The following CNTN5 variants were observed in gnomAD, a reference collection of about 807,000 sequenced individuals.
The protein encoded by CNTN5 is contactin 5.
In CNTN5, 77 loss-of-function variants were observed where a neutral mutation model predicts 129.1. The observed-to-expected ratio is 0.60, with a 90% CI of 0.50 to 0.72. CNTN5 has a LOEUF of 0.72. Among genes scored for constraint, CNTN5 ranks in the 30% least tolerant of loss-of-function variants. CNTN5 has a pLI of 0.00. For synonymous variants in CNTN5, 509 were observed against 465.6 expected, an observed-to-expected ratio of 1.09 and a Z score of -1.20; for missense variants, 1,478 against 1,328.8, an observed-to-expected ratio of 1.11 and a Z score of -1.75.
At chr11:100,343,423 G>A (rs980089715) in intron 23 of CNTN5, among the ~76,000 whole-genome samples, 2 of 137,992 alleles carry the variant, frequency 1.4e-5, no homozygotes, top group Non-Finnish European at 3.3e-5. Flanking sequence ...TCTGATGAGT[G>A]GGATGATCCC....
intron 23 of CNTN5, 32 bp downstream of exon 23, chr11:100,341,237 C>T (rs200140098): frequency 1.3e-5 from 19 of 1,435,698 alleles, no homozygotes; most frequent in Non-Finnish European, 1.9e-5. Context: ...TGCATAGATA[C>T]TCATCTCCGA....
intron 3 of CNTN5, among the ~76,000 whole-genome samples, chr11:99,764,530 C>T (rs1312114691): frequency 2.0e-5 from 3 of 152,062 alleles, no homozygotes; most frequent in Non-Finnish European, 4.4e-5. Context: ...ATTCTCCTGC[C>T]TCCGCCTTCC....
chr11:99,894,567 A>C (rs550446330), intron 6 of CNTN5, among the ~76,000 whole-genome samples: 2 of 151,642 alleles, frequency 1.3e-5, no homozygotes, highest in South Asian at 2.1e-4. Flanking sequence ...CAAAAAAAAC[A>C]AAACCAAGCA....
At chr11:99,301,117 C>A (rs1864613922) in intron 1 of CNTN5, among the ~76,000 whole-genome samples, 1 of 151,318 alleles carries the variant, frequency 6.6e-6, no homozygotes, top group Non-Finnish European at 1.5e-5. Context: ...TCAAAAAATA[C>A]AGTAAAATAT....
chr11:99,182,357 C>T (rs1858120353), intron 1 of CNTN5, among the ~76,000 whole-genome samples: 1 of 152,150 alleles, frequency 6.6e-6, no homozygotes. Flanking sequence ...TTGTACCTCA[C>T]AGTCATGCTC....
At chr11:100,060,098 T>TGCATTTGGG (rs1317320680) in intron 9 of CNTN5, among the ~76,000 whole-genome samples, 2 of 151,586 alleles carry the variant, frequency 1.3e-5, no homozygotes, top group East Asian at 3.9e-4. Context: ...TAATCCCAGC[T>TGCATTTGGG]ACTTGGGAAA....
At chr11:99,744,101 G>A (rs1943969787) in intron 3 of CNTN5, among the ~76,000 whole-genome samples, 2 of 152,084 alleles carry the variant, frequency 1.3e-5, no homozygotes, top group South Asian at 4.1e-4. Flanking sequence ...TACTTCCAAA[G>A]AAGGACCTCT....
chr11:99,466,354 A>G (rs1307742935), intron 2 of CNTN5, among the ~76,000 whole-genome samples: 1 of 152,124 alleles, frequency 6.6e-6, no homozygotes, highest in Non-Finnish European at 1.5e-5. Context: ...TCCAAACCAT[A>G]TCATGTACCA....
At chr11:99,045,398 G>A (rs1864165211) in intron 1 of CNTN5, among the ~76,000 whole-genome samples, 1 of 152,144 alleles carries the variant, frequency 6.6e-6, no homozygotes, top group South Asian at 2.1e-4. Context: ...TTAAAATTAT[G>A]CACTCTTTTC....
intron 3 of CNTN5, among the ~76,000 whole-genome samples, chr11:99,602,226 G>A (rs1950334574): frequency 6.6e-6 from 1 of 151,622 alleles, no homozygotes; most frequent in Non-Finnish European, 1.5e-5. Flanking sequence ...ATATTTGTGG[G>A]GGATATAATT....
chr11:99,722,017 T>G (rs1188301644), intron 3 of CNTN5, among the ~76,000 whole-genome samples: 1 of 152,172 alleles, frequency 6.6e-6, no homozygotes, highest in Non-Finnish European at 1.5e-5. Context: ...AAGGGGACAC[T>G]TGTACACTGT....
chr11:99,021,461 G>C (rs931164036), intron 1 of CNTN5, among the ~76,000 whole-genome samples, 191 bp downstream of exon 1: 2 of 152,036 alleles, frequency 1.3e-5, no homozygotes, highest in Admixed American at 1.3e-4. Flanking sequence ...TTTCCTGCTG[G>C]GATTTTATGG....
At chr11:100,033,735 T>A (rs1235823724) in intron 9 of CNTN5, among the ~76,000 whole-genome samples, 2 of 152,338 alleles carry the variant, frequency 1.3e-5, no homozygotes, top group East Asian at 3.9e-4. Flanking sequence ...ACTATAATTG[T>A]ATTTTCCCTA....
chr11:99,968,320 A>C (rs1407894881), intron 8 of CNTN5, among the ~76,000 whole-genome samples: 1 of 152,212 alleles, frequency 6.6e-6, no homozygotes, highest in African/African-American at 2.4e-5. Context: ...GAAAGGCTAC[A>C]CATGTAGATA....
At chr11:99,289,798 G>C (rs1231262230) in intron 1 of CNTN5, among the ~76,000 whole-genome samples, 1 of 151,682 alleles carries the variant, frequency 6.6e-6, no homozygotes, top group African/African-American at 2.4e-5. Context: ...CATGGAACTA[G>C]ACTTTGAAAT....
rs116049153 is a variant in CNTN5, at chr11:99,040,186, A to G, written c.-210+18916A>G. On this transcript the variant is annotated intron_variant, in intron 1 of 24. Transcript: ENST00000524871. ...GGAAAAACATGATAATCTATGATAC[A>G]AATACATGCAAACTTTGAGATAAAG... is the stretch of plus-strand genomic sequence containing the variant. Among the ~76,000 whole-genome samples, 1,060 of 152,260 alleles carry G rather than the reference A, an allele frequency of 7.0e-3. 13 individuals are homozygous for G. Among genetic ancestry groups the G allele is most frequent in the African/African-American group, 0.023 (950 of 41,578 alleles).
intron 18 of CNTN5, among the ~76,000 whole-genome samples, chr11:100,271,561 T>G (rs1950408416): frequency 6.6e-6 from 1 of 150,972 alleles, no homozygotes; most frequent in African/African-American, 2.4e-5. Context: ...TAGCATACAC[T>G]TAAGATTTAG....
intron 3 of CNTN5, among the ~76,000 whole-genome samples, chr11:99,740,498 A>G (rs1377736177): frequency 6.6e-6 from 1 of 152,176 alleles, no homozygotes; most frequent in African/African-American, 2.4e-5. Flanking sequence ...CCGTTTTTGA[A>G]GTGAAAGAGA....
chr11:99,397,193 T>C (rs1012172728), intron 2 of CNTN5, among the ~76,000 whole-genome samples: 1 of 151,920 alleles, frequency 6.6e-6, no homozygotes, highest in Admixed American at 6.6e-5. Flanking sequence ...AGTTGATATT[T>C]GTCTGATGTT....
Sources: allele counts gnomAD v4.1 joint callset (sites outside exome capture counted in the v4.1 genomes callset), GRCh38; gene constraint gnomAD v4.1.1; transcripts MANE v1.5; gene names NCBI Gene and HGNC (gene_info 2026-07-23, HGNC 2026-07-21).